Variants in NEDD9 observed in about 807,000 individuals in gnomAD.
The protein encoded by NEDD9 is neural precursor cell expressed, developmentally down-regulated 9, also known as enhancer of filamentation 1.
NEDD9 carries 26 observed loss-of-function variants against 76.6 expected under a neutral mutation model. The ratio of observed to expected loss-of-function variants is 0.34; its 90% CI spans 0.25 to 0.47. The LOEUF (loss-of-function observed/expected upper bound fraction) is 0.47, where lower values mean the gene tolerates loss of function less well. NEDD9 is among the 20% of genes least tolerant of loss of function. The pLI is 1.00. For missense variants in NEDD9, 937 were observed against 1,058.5 expected, an observed-to-expected ratio of 0.89 and a Z score of 1.59; for synonymous variants, 392 against 414.2, an observed-to-expected ratio of 0.95 and a Z score of 0.65.
At chr6:11,194,415 T>C (rs934524615) in intron 2 of NEDD9, among the ~76,000 whole-genome samples, 56 of 152,204 alleles carry the variant, frequency 3.7e-4, no homozygotes, top group African/African-American at 1.2e-3. Context: ...ATAATGCAAA[T>C]AGAGTTTAGC....
intron 2 of NEDD9, among the ~76,000 whole-genome samples, chr6:11,202,504 T>G (rs1281942069): frequency 1.3e-5 from 2 of 152,228 alleles, no homozygotes; most frequent in African/African-American, 2.4e-5. Flanking sequence ...GATCCAATTT[T>G]CAGAAACTGT....
chr6:11,355,695 C>G (rs1350868837), intron 1 of NEDD9, among the ~76,000 whole-genome samples: 1 of 151,650 alleles, frequency 6.6e-6, no homozygotes, highest in East Asian at 1.9e-4. Context: ...CTTTTCAAAC[C>G]ATATTTTTGA....
chr6:11,303,148 A>C (rs941770034), intron 3 of NEDD9, among the ~76,000 whole-genome samples: 17 of 152,160 alleles, frequency 1.1e-4, no homozygotes, highest in African/African-American at 4.1e-4. Flanking sequence ...TCCTTAAGCT[A>C]ATAAGCAACT....
At chr6:11,185,759 A>G in intron 6 of NEDD9, 88 bp from the exon 7 acceptor site, 2 of 1,490,226 alleles carry the variant, frequency 1.3e-6, no homozygotes, top group Non-Finnish European at 1.8e-6. Flanking sequence ...AAAGACAGGG[A>G]TTTTAGTCGC....
At chr6:11,343,800 C>A (rs183632860) in intron 1 of NEDD9, among the ~76,000 whole-genome samples, 125 of 152,206 alleles carry the variant, frequency 8.2e-4, no homozygotes, top group Non-Finnish European at 1.5e-3. Flanking sequence ...CTCAAGACAC[C>A]AGATTTTAGT....
intron 1 of NEDD9, among the ~76,000 whole-genome samples, chr6:11,359,826 T>A (rs897413968): frequency 2.1e-4 from 32 of 152,366 alleles, no homozygotes; most frequent in African/African-American, 7.5e-4. Context: ...TTTAATGTGT[T>A]GGTGTACCAT....
intron 1 of NEDD9, among the ~76,000 whole-genome samples, chr6:11,342,181 G>A (rs1762286823): frequency 6.6e-6 from 1 of 151,970 alleles, no homozygotes; most frequent in Non-Finnish European, 1.5e-5. Context: ...AATGAACAAA[G>A]GGTCAAAGAC....
At chr6:11,277,328 G>C (rs1760438220) in intron 3 of NEDD9, among the ~76,000 whole-genome samples, 1 of 152,220 alleles carries the variant, frequency 6.6e-6, no homozygotes. Context: ...TAAGTCAATA[G>C]TGGGAGGTTG....
At chr6:11,233,463 G>T (rs147822274), upstream of NEDD9, 1 of 518,640 alleles carries the variant, frequency 1.9e-6, no homozygotes, top group Non-Finnish European at 3.8e-6. Flanking sequence ...CATCATCACC[G>T]TCCACTGAGT....
chr6:11,377,253 T>TAGAACCCTCTAGAGGGG (rs1762983791), intron 1 of NEDD9, among the ~76,000 whole-genome samples: 2 of 152,230 alleles, frequency 1.3e-5, no homozygotes, highest in South Asian at 2.1e-4. Flanking sequence ...GAAAGGGGGC[T>TAGAACCCTCTAGAGGGG]GCCACCCTCT....
chr6:11,321,341 C>T (rs947155965), intron 2 of NEDD9, among the ~76,000 whole-genome samples: 4 of 152,112 alleles, frequency 2.6e-5, no homozygotes, highest in Non-Finnish European at 4.4e-5. Context: ...GTCATGACTC[C>T]GAGAGCTGAA....
rs534489499 is a variant in NEDD9, at chr6:11,360,272, G to A, written c.-214+21867C>T. Among the ~76,000 whole-genome samples, 127 of 152,348 alleles carry A rather than the reference G, an allele frequency of 8.3e-4. 3 individuals are homozygous for A. In the South Asian group the frequency reaches 0.024, roughly 29 times the overall value. ...TGAGGAAAGGGTTCAAATGCAGAAA[G>A]CATTGTAGAGCAGAAGAAGAACTCC... On this transcript the variant is annotated intron_variant, in intron 1 of 3. Coordinates refer to the NEDD9 transcript ENST00000397378.
intron 1 of NEDD9, among the ~76,000 whole-genome samples, chr6:11,344,482 T>A (rs1762329756): frequency 6.6e-6 from 1 of 152,216 alleles, no homozygotes; most frequent in African/African-American, 2.4e-5. Flanking sequence ...CATTTAAGTT[T>A]CAGGTGGGGC....
chr6:11,325,212 G>A (rs1761897053), intron 2 of NEDD9, among the ~76,000 whole-genome samples: 1 of 151,996 alleles, frequency 6.6e-6, no homozygotes, highest in Admixed American at 6.6e-5. Flanking sequence ...AAAATTAGCA[G>A]GGTGTGGTGC....
intron 1 of NEDD9, among the ~76,000 whole-genome samples, chr6:11,232,241 A>G (rs1292718224): frequency 6.6e-6 from 1 of 152,154 alleles, no homozygotes; most frequent in Non-Finnish European, 1.5e-5. Flanking sequence ...AAGCGGCTCC[A>G]AGTCTTAACT....
Position 11,198,052 on chromosome 6 carries a change from A to G in NEDD9, c.460-4360T>C, listed in dbSNP as rs1445227129. 6.6e-6 allele frequency among the ~76,000 whole-genome samples: 1 copy of G among 152,132 alleles called. No homozygotes were observed. The highest frequency in any genetic ancestry group is 1.5e-5 in the Non-Finnish European group (1 of 68,018). On this transcript the variant is annotated intron_variant, in intron 2 of 6. Coordinates refer to ENST00000379446, the MANE Select transcript of NEDD9 (RefSeq NM_006403.4). This position sits in a 1 kb window ranked among gnomAD's most constrained non-coding sequence, Gnocchi z 4.7. ...CTCACGGACCGAGCAAGCAGGGTGT[A>G]GGGAAGAAACAAGCCAGGCTTTGGT...
At chr6:11,214,234 T>C (rs1244618939) in intron 1 of NEDD9, 2 of 516,232 alleles carry the variant, frequency 3.9e-6, no homozygotes, top group East Asian at 5.5e-5. Context: ...GAAGTACACA[T>C]ATATATGCCT....
chr6:11,372,715 T>C (rs916463792), intron 1 of NEDD9, among the ~76,000 whole-genome samples: 1 of 152,230 alleles, frequency 6.6e-6, no homozygotes, highest in Non-Finnish European at 1.5e-5. Context: ...TGATATCTCA[T>C]TGTAGTTTTG....
chr6:11,279,464 C>A (rs1760486264), intron 3 of NEDD9, among the ~76,000 whole-genome samples: 1 of 152,222 alleles, frequency 6.6e-6, no homozygotes, highest in South Asian at 2.1e-4. Context: ...CCGGGAAAAG[C>A]GAAGGCTTCG....
Sources: allele counts gnomAD v4.1 joint callset (sites outside exome capture counted in the v4.1 genomes callset), GRCh38; gene constraint gnomAD v4.1.1; non-coding constraint Gnocchi (gnomAD v3.1); transcripts MANE v1.5; gene names NCBI Gene and HGNC (gene_info 2026-07-23, HGNC 2026-07-21).